The following EPHB1 variants were observed in gnomAD, a reference collection of about 807,000 sequenced individuals.
EPHB1 encodes ephrin type-B receptor 1.
Under a neutral mutation model 94.4 loss-of-function variants are expected in EPHB1, and 30 were observed. The observed-to-expected ratio is 0.32, with a 90% CI of 0.24 to 0.43. The LOEUF is 0.43. EPHB1 is among the 20% of genes least tolerant of loss of function. The probability of loss-of-function intolerance (pLI) is 1.00; values close to 1 mark genes in which losing one functional copy is unlikely to be tolerated. For synonymous variants in EPHB1, 522 were observed against 489.1 expected (o/e 1.07, Z -0.89); for missense variants, 1,055 against 1,308.3 (o/e 0.81, Z 2.99).
chr3:135,028,761 T>C (rs1180279215), intron 3 of EPHB1, among the ~76,000 whole-genome samples: 1 of 74,222 alleles, frequency 1.3e-5, no homozygotes, highest in Non-Finnish European at 2.8e-5. Context: ...CAGAGCTGAG[T>C]TCAATTCCTG....
At chr3:135,053,746 G>T (rs535499188) in intron 3 of EPHB1, among the ~76,000 whole-genome samples, 8 of 152,100 alleles carry the variant, frequency 5.3e-5, no homozygotes, top group Admixed American at 2.6e-4. Context: ...CTGCACTTTG[G>T]GGGGCTGAGG....
intron 6 of EPHB1, among the ~76,000 whole-genome samples, chr3:135,157,885 T>C (rs1462467096): frequency 2.0e-5 from 3 of 152,214 alleles, no homozygotes; most frequent in African/African-American, 7.2e-5. Flanking sequence ...AAAATATATA[T>C]AACCAACTTA....
intron 1 of EPHB1, among the ~76,000 whole-genome samples, chr3:134,873,835 A>G (rs984950001): frequency 7.9e-5 from 12 of 152,208 alleles, no homozygotes; most frequent in African/African-American, 2.9e-4. Context: ...AAATGTGAAC[A>G]AGACGTGATC....
In EPHB1 at chr3:134,795,428, C is replaced by A. The variant is rs2035801204; in HGVS notation, c.-204C>A. The A allele has an allele frequency of 1.7e-6, 1 of 571,518 alleles. No homozygotes were observed. 35.4% of individuals were successfully genotyped at this position (571,518 alleles called of 1,614,324 possible). A position where few individuals can be genotyped will look rare whatever the true frequency, so the allele number is the denominator to read the frequency against. On this transcript the variant is annotated 5_prime_UTR_variant, in exon 1 of 16. Coordinates refer to ENST00000398015, the MANE Select transcript of EPHB1 (RefSeq NM_004441.5). ...ATAAACACACACACACACATGCACA[C>A]CCACACCCACGCGCGCCCGCACCGC...
At chr3:134,879,440 T>C (rs2037683232) in intron 1 of EPHB1, among the ~76,000 whole-genome samples, 1 of 152,008 alleles carries the variant, frequency 6.6e-6, no homozygotes, top group Non-Finnish European at 1.5e-5. Flanking sequence ...AGTTTGAGAC[T>C]AGCCTGGGCA....
chr3:135,189,515 G>C (rs973508565), intron 10 of EPHB1, among the ~76,000 whole-genome samples: 2 of 152,218 alleles, frequency 1.3e-5, no homozygotes, highest in Admixed American at 1.3e-4. Flanking sequence ...AATAGTTTTT[G>C]AACAAGGAGT....
chr3:134,915,383 G>A (rs2038544005), intron 1 of EPHB1, among the ~76,000 whole-genome samples: 1 of 149,018 alleles, frequency 6.7e-6, no homozygotes, highest in African/African-American at 2.5e-5. Flanking sequence ...GACGAGGTAG[G>A]CAGATTGGAG....
rs78680188 is a variant in EPHB1, at chr3:134,983,937, G to T, written c.805+31885G>T. 6.6e-3 allele frequency among the ~76,000 whole-genome samples: 1,000 copies of T among 152,218 alleles called. 9 individuals carry two copies. The highest frequency in any genetic ancestry group is 0.023 in the African/African-American group (947 of 41,528). On this transcript the variant is annotated intron_variant, in intron 3 of 15. Transcript: ENST00000398015. ...CCCCGCAATTCATCTGCAAAGTAGG[G>T]GTGACACCCTCCTCCACCTTCCTAG...
At chr3:134,983,877 T>G (rs1934502699) in intron 3 of EPHB1, among the ~76,000 whole-genome samples, 1 of 152,212 alleles carries the variant, frequency 6.6e-6, no homozygotes, top group South Asian at 2.1e-4. Flanking sequence ...CTCAGCAGTA[T>G]TGCCACCATG....
chr3:135,139,620 G>C (rs547493697), intron 5 of EPHB1, among the ~76,000 whole-genome samples: 2 of 152,304 alleles, frequency 1.3e-5, no homozygotes, highest in Admixed American at 6.5e-5. Context: ...CACTGAGACT[G>C]GGATCAGAGG....
intron 1 of EPHB1, among the ~76,000 whole-genome samples, chr3:134,910,749 A>G (rs989432031): frequency 1.3e-5 from 2 of 152,198 alleles, no homozygotes; most frequent in Non-Finnish European, 2.9e-5. Context: ...TGGCAACTGC[A>G]TAGCTAGAGG....
intron 1 of EPHB1, among the ~76,000 whole-genome samples, chr3:134,840,033 G>A (rs1374022615): frequency 6.6e-6 from 1 of 152,104 alleles, no homozygotes; most frequent in Non-Finnish European, 1.5e-5. Flanking sequence ...CTGCCTCCTG[G>A]TAAGAAATCT....
At chr3:134,816,453 C>A (rs1287627367) in intron 1 of EPHB1, among the ~76,000 whole-genome samples, 1 of 152,002 alleles carries the variant, frequency 6.6e-6, no homozygotes, top group South Asian at 2.1e-4. Flanking sequence ...TGAATTCCAC[C>A]TCTGACACTG....
intron 1 of EPHB1, among the ~76,000 whole-genome samples, chr3:134,917,184 C>G (rs1018182444): frequency 6.6e-6 from 1 of 152,198 alleles, no homozygotes; most frequent in African/African-American, 2.4e-5. Flanking sequence ...TGTCATGTTT[C>G]TCAGATACCA....
In EPHB1 at chr3:135,029,983, A is replaced by T. The variant is rs1191680819; in HGVS notation, c.806-76465A>T. On this transcript the variant is annotated intron_variant, in intron 3 of 15. Coordinates refer to ENST00000398015, the MANE Select transcript of EPHB1 (RefSeq NM_004441.5). The stretch of plus-strand genomic sequence containing the variant: ...CTTCATTTCATTCATTTCATCTTCC[A>T]TTACTGATACCCTTTCTTCCAGTTG... Among the ~76,000 whole-genome samples the T allele has an allele frequency of 2.2e-3, 336 of 150,598 alleles. 2 individuals carry two copies. Among genetic ancestry groups the T allele is most frequent in the Non-Finnish European group, 2.8e-3 (190 of 67,670 alleles).
intron 1 of EPHB1, among the ~76,000 whole-genome samples, chr3:134,843,416 G>A (rs938074442): frequency 6.6e-6 from 1 of 152,104 alleles, no homozygotes; most frequent in African/African-American, 2.4e-5. Flanking sequence ...TGTGCAGATT[G>A]ATGTTTCTCA....
intron 9 of EPHB1, among the ~76,000 whole-genome samples, chr3:135,177,397 A>G (rs1942011878): frequency 6.6e-6 from 1 of 152,140 alleles, no homozygotes; most frequent in Non-Finnish European, 1.5e-5. Flanking sequence ...CTGTGGCATC[A>G]GTGTTTCTTT....
intron 3 of EPHB1, among the ~76,000 whole-genome samples, chr3:135,022,184 A>T (rs1442582592): frequency 6.6e-6 from 1 of 152,092 alleles, no homozygotes; most frequent in Non-Finnish European, 1.5e-5. Context: ...GTTAGCCAGG[A>T]TGGTCTCGAT....
chr3:135,031,228 C>G (rs9832058), intron 3 of EPHB1, among the ~76,000 whole-genome samples: 7 of 152,090 alleles, frequency 4.6e-5, no homozygotes, highest in Middle Eastern at 3.4e-3. Flanking sequence ...TGTTCCTATT[C>G]GGCCCTCTTG....
Sources: gnomAD v4.1 joint callset for allele counts (sites outside exome capture counted in the v4.1 genomes callset) on GRCh38, gnomAD v4.1.1 for gene constraint, MANE v1.5 for transcripts, NCBI Gene and HGNC (gene_info 2026-07-23, HGNC 2026-07-21) for gene names.